Variants in KLHDC1 observed in about 807,000 individuals in gnomAD.
KLHDC1 encodes kelch domain containing 1.
In KLHDC1, 53 loss-of-function variants were observed where a neutral mutation model predicts 68.3. The ratio of observed to expected loss-of-function variants is 0.78; its 90% CI spans 0.62 to 0.98. The LOEUF is 0.98. KLHDC1 is among the 50% of genes least tolerant of loss of function. The pLI, the probability that KLHDC1 is intolerant of heterozygous loss-of-function variation, is 0.00. For synonymous variants in KLHDC1, 148 were observed against 159.0 expected, an observed-to-expected ratio of 0.93 and a Z score of 0.52; for missense variants, 470 against 492.3, an observed-to-expected ratio of 0.95 and a Z score of 0.43.
At chr14:49,693,818 A>AGCTCACCGCAACCTCC (rs1887653674) in intron 1 of KLHDC1, among the ~76,000 whole-genome samples, 1 of 131,266 alleles carries the variant, frequency 7.6e-6, no homozygotes, top group African/African-American at 2.9e-5. Flanking sequence ...GAACGATCTC[A>AGCTCACCGCAACCTCC]GCTCACCGCA....
At chr14:49,730,410 C>G (rs1251079750) in intron 8 of KLHDC1, among the ~76,000 whole-genome samples, 6 of 151,730 alleles carry the variant, frequency 4.0e-5, no homozygotes, top group African/African-American at 1.5e-4. Context: ...TTAGTAGAGA[C>G]GAGATTTCAC....
At chr14:49,708,377 T>C (rs865780419) in intron 1 of KLHDC1, 9 of 152,222 alleles carry the variant, frequency 5.9e-5, no homozygotes, top group African/African-American at 2.2e-4. Flanking sequence ...AAATGCTGGC[T>C]GAGCCACTGC....
intron 4 of KLHDC1, among the ~76,000 whole-genome samples, chr14:49,721,883 C>T (rs903265960): frequency 6.6e-6 from 1 of 152,186 alleles, no homozygotes; most frequent in Non-Finnish European, 1.5e-5. Context: ...TGCATCTCCT[C>T]CCCTGGCCTT....
At chr14:49,725,215 G>T (rs1412527718) in intron 5 of KLHDC1, among the ~76,000 whole-genome samples, 1 of 150,826 alleles carries the variant, frequency 6.6e-6, no homozygotes, top group Non-Finnish European at 1.5e-5. Flanking sequence ...AGATAAAGAA[G>T]AGAGTGGTCA....
intron 1 of KLHDC1, among the ~76,000 whole-genome samples, chr14:49,704,379 C>T (rs1422232182): frequency 2.2e-5 from 3 of 134,178 alleles, no homozygotes; most frequent in South Asian, 2.4e-4. Flanking sequence ...TATTTTTTTT[C>T]CTTTTCTGTT....
At chr14:49,696,045 G>A (rs12878242) in intron 1 of KLHDC1, among the ~76,000 whole-genome samples, 14,359 of 149,232 alleles carry the variant, frequency 0.096, 917 homozygotes, top group Admixed American at 0.21. Context: ...CAGCCTGGGC[G>A]ACAGAGTGAG....
intron 10 of KLHDC1, among the ~76,000 whole-genome samples, chr14:49,738,171 G>T (rs1888976476): frequency 6.6e-6 from 1 of 151,810 alleles, no homozygotes. Context: ...GGGACTACAG[G>T]CGAAAATTAT....
chr14:49,710,856 T>G (rs186866773), intron 4 of KLHDC1, among the ~76,000 whole-genome samples: 26 of 152,340 alleles, frequency 1.7e-4, no homozygotes, highest in Non-Finnish European at 3.1e-4. Flanking sequence ...TTAACTATTT[T>G]TTGTGGTTTT....
chr14:49,722,658 A>G (rs528926388), intron 4 of KLHDC1, among the ~76,000 whole-genome samples: 1 of 152,362 alleles, frequency 6.6e-6, no homozygotes, highest in African/African-American at 2.4e-5. Flanking sequence ...GGCAATTTAC[A>G]AGAGAAAGAG....
intron 4 of KLHDC1, among the ~76,000 whole-genome samples, chr14:49,713,471 T>C (rs2139741852): frequency 6.6e-6 from 1 of 152,296 alleles, no homozygotes; most frequent in South Asian, 2.1e-4. Context: ...ACTGTTTGTA[T>C]AGGAAAATCA....
At chr14:49,722,189 A>C (rs1425240574) in intron 4 of KLHDC1, among the ~76,000 whole-genome samples, 2 of 152,142 alleles carry the variant, frequency 1.3e-5, no homozygotes, top group South Asian at 4.1e-4. Flanking sequence ...CAGGTTTGTT[A>C]CATATGTATA....
chr14:49,728,858 A>T lies in KLHDC1; in HGVS notation c.568-68A>T. The stretch of plus-strand genomic sequence containing the variant: ...TAGTGATTAAGACTTTCACATACTG[A>T]GCATAGGAATGTAACTTTATTACAG... On this transcript the variant is annotated intron_variant, in intron 6 of 12. Transcript: ENST00000359332. 2.8e-6 allele frequency: 3 copies of T among 1,087,212 alleles called. No individual in the cohort carries two copies. In the South Asian group the frequency reaches 3.8e-5, roughly 14 times the overall value. 67.3% of individuals were successfully genotyped at this position (1,087,212 alleles called of 1,614,324 possible).
At chr14:49,700,712 A>G (rs1887881451) in intron 1 of KLHDC1, among the ~76,000 whole-genome samples, 2 of 152,262 alleles carry the variant, frequency 1.3e-5, no homozygotes, top group African/African-American at 4.8e-5. Flanking sequence ...CGTGTCAGAT[A>G]TTAAAACATG....
chr14:49,725,831 AT>A (rs1888657816), intron 6 of KLHDC1, 62 bp downstream of exon 6: 1 of 875,914 alleles, frequency 1.1e-6, no homozygotes, highest in Non-Finnish European at 1.8e-6. Context: ...TTTACTGTGG[AT>A]TTTGGGTTTT....
intron 1 of KLHDC1, among the ~76,000 whole-genome samples, chr14:49,695,003 T>G (rs1436172275): frequency 6.6e-6 from 1 of 152,216 alleles, no homozygotes; most frequent in Non-Finnish European, 1.5e-5. Flanking sequence ...TTAGGGTGGT[T>G]GTTGCTGAAG....
intron 4 of KLHDC1, among the ~76,000 whole-genome samples, chr14:49,717,174 T>C (rs1175106809): frequency 1.3e-5 from 2 of 152,266 alleles, no homozygotes; most frequent in Admixed American, 1.3e-4. Context: ...CTGCTATCAA[T>C]GTGGCATATA....
rs1179020899 is a variant in KLHDC1 at position 49,693,255 on chromosome 14, G to A, written c.61G>A (p.Asp21Asn). The change falls in exon 1 of 13, where the codon GAC (aspartate) becomes AAC (asparagine). Residue 21 changes from aspartate (D) to asparagine (N), a missense_variant. By Grantham distance (23) the Asp-to-Asn change is conservative (BLOSUM62 1). Transcript: ENST00000359332. ...ACGCAGCGGCCACTGCGCCGTGGTG[G>A]ACGGAAACTTCCTCTACGTGTGGGG... ...EERSGHCAVV[D>N]GNFLYVWGGY... 1.9e-6 allele frequency: 3 copies of A among 1,570,274 alleles called. No homozygotes were observed. The highest frequency in any genetic ancestry group is 2.6e-6 in the Non-Finnish European group (3 of 1,160,132).
At position 49,709,246 on chromosome 14, in the gene KLHDC1, T is replaced by G; in HGVS notation, c.167+17T>G. 6.4e-6 allele frequency: 7 copies of G among 1,095,232 alleles called. No individual in the cohort carries two copies. The highest frequency in any genetic ancestry group is 9.5e-6 in the Non-Finnish European group (7 of 733,232). 67.8% of individuals were successfully genotyped at this position (1,095,232 alleles called of 1,614,324 possible). On this transcript the variant is annotated intron_variant, in intron 2 of 12. Transcript: ENST00000359332. ...TGGGTTGTGGTAAGTAATTTTAAAT[T>G]GCATACTGTCTGATCTTAATATCTA...
chr14:49,726,550 C>G (rs530018959), intron 6 of KLHDC1, among the ~76,000 whole-genome samples: 2 of 152,282 alleles, frequency 1.3e-5, no homozygotes, highest in South Asian at 4.1e-4. Flanking sequence ...TTTTAAAAAT[C>G]CTTTTATAAC....
Sources: gnomAD v4.1 joint callset for allele counts (sites outside exome capture counted in the v4.1 genomes callset) on GRCh38, gnomAD v4.1.1 for gene constraint, MANE v1.5 for transcripts, NCBI Gene and HGNC (gene_info 2026-07-23, HGNC 2026-07-21) for gene names.